DLG2: variants seen among roughly 807,000 people sequenced by gnomAD.
DLG2 encodes discs large MAGUK scaffold protein 2, also known as disks large homolog 2.
A neutral mutation model predicts 132.5 loss-of-function variants in DLG2; 45 were observed. The ratio of observed to expected loss-of-function variants is 0.34; its 90% CI spans 0.27 to 0.44. DLG2 has a LOEUF of 0.44. Among genes scored for constraint, DLG2 ranks in the 20% least tolerant of loss-of-function variants. The probability of loss-of-function intolerance (pLI) is 1.00; values close to 1 mark genes in which losing one functional copy is unlikely to be tolerated. For missense variants in DLG2, 1,045 were observed against 1,196.9 expected (o/e 0.87, Z 1.87); for synonymous variants, 424 against 419.6 (o/e 1.01, Z -0.13).
At chr11:84,215,706 G>C (rs1465592004) in intron 8 of DLG2, among the ~76,000 whole-genome samples, 1 of 152,132 alleles carries the variant, frequency 6.6e-6, no homozygotes, top group Non-Finnish European at 1.5e-5. Context: ...TCCAGCATCA[G>C]CATCAGAAAC....
chr11:84,222,741 TA>T (rs2096933630), intron 8 of DLG2, among the ~76,000 whole-genome samples: 1 of 152,138 alleles, frequency 6.6e-6, no homozygotes, highest in African/African-American at 2.4e-5. Flanking sequence ...CATCAATTTA[TA>T]AAAATTCACT....
intron 11 of DLG2, among the ~76,000 whole-genome samples, chr11:83,982,376 A>G (rs924280110): frequency 6.6e-6 from 1 of 151,932 alleles, no homozygotes; most frequent in African/African-American, 2.4e-5. Context: ...CCAGTTGGAC[A>G]AGATGTGAAG....
chr11:84,440,073 T>C (rs1202059591), intron 7 of DLG2, among the ~76,000 whole-genome samples: 1 of 152,212 alleles, frequency 6.6e-6, no homozygotes, highest in African/African-American at 2.4e-5. Flanking sequence ...GATCAATTTG[T>C]TTACTGGTTT....
rs566332246 is a variant in DLG2, at chr11:85,010,384, A to G, written c.357+101277T>C. Among the ~76,000 whole-genome samples, 122 of 152,178 alleles carry G rather than the reference A, an allele frequency of 8.0e-4. 4 individuals are homozygous for G. The highest frequency in any genetic ancestry group is 2.9e-3 in the African/African-American group (120 of 41,558). Reference sequence around the variant, plus strand: ...ATGTGTCAGCATCCTTACCACCTAAAGACCATAAATAGCACAGTTTGTTCA... The same window carrying G: ...ATGTGTCAGCATCCTTACCACCTAAGGACCATAAATAGCACAGTTTGTTCA... On this transcript the variant is annotated intron_variant, in intron 6 of 27. Transcript: ENST00000376104.
chr11:84,895,834 A>T (rs928573965), intron 6 of DLG2, among the ~76,000 whole-genome samples: 1 of 152,128 alleles, frequency 6.6e-6, no homozygotes, highest in African/African-American at 2.4e-5. Flanking sequence ...GAGAATGGAG[A>T]TTAAGTGACA....
chr11:83,837,577 A>C (rs1231025359), intron 16 of DLG2, among the ~76,000 whole-genome samples: 4 of 152,008 alleles, frequency 2.6e-5, no homozygotes, highest in African/African-American at 7.3e-5. Context: ...CAGTATTATC[A>C]AAAGTTTTCC....
chr11:85,073,821 G>C (rs1208258183), intron 6 of DLG2, among the ~76,000 whole-genome samples: 5 of 151,726 alleles, frequency 3.3e-5, no homozygotes, highest in African/African-American at 9.7e-5. Flanking sequence ...TGCAGCATTA[G>C]TCACAATAGC....
chr11:85,607,638 CA>C, intron 2 of DLG2, among the ~76,000 whole-genome samples: 1 of 152,304 alleles, frequency 6.6e-6, no homozygotes, highest in South Asian at 2.1e-4. Flanking sequence ...GCTCACCAAT[CA>C]AAAAGACATA....
At chr11:84,283,242 C>A (rs1433742905) in intron 7 of DLG2, among the ~76,000 whole-genome samples, 1 of 152,158 alleles carries the variant, frequency 6.6e-6, no homozygotes, top group African/African-American at 2.4e-5. Flanking sequence ...AGGTCTTATT[C>A]GTAATATACA....
At position 84,172,418 on chromosome 11, in the gene DLG2, A is replaced by T. The variant is rs75112648; in HGVS notation, c.574-8907T>A. ...CAGTAAACTCTAATTTCAAGTTAAA[A>T]TTTCTAATCTTAATTACAAAAACTT... On this transcript the variant is annotated intron_variant, in intron 8 of 27. Transcript: ENST00000376104. Among the ~76,000 whole-genome samples, 491 of 152,264 alleles carry T rather than the reference A, an allele frequency of 3.2e-3. 14 individuals are homozygous for T. In the East Asian group the frequency reaches 0.081, roughly 25 times the overall value.
intron 6 of DLG2, among the ~76,000 whole-genome samples, chr11:85,088,277 C>T (rs1318910790): frequency 1.3e-5 from 2 of 152,124 alleles, no homozygotes; most frequent in Non-Finnish European, 2.9e-5. Flanking sequence ...AAAGGTCTTT[C>T]CCAAGAAATG....
chr11:85,348,543 T>C lies in DLG2; in HGVS notation c.41-63178A>G, dbSNP rs555109914. Among the ~76,000 whole-genome samples the C allele has an allele frequency of 3.3e-5, 5 of 152,242 alleles. No individual in the cohort carries two copies. The South Asian group carries it at 1.0e-3, about 32-fold the overall frequency. ...TAACATAAGAAGCATTCTGAATTTA[T>C]GATCAGAAGTTATACCAAGGCATTT... On this transcript the variant is annotated intron_variant, in intron 3 of 27. Coordinates refer to ENST00000376104, the MANE Select transcript of DLG2 (RefSeq NM_001142699.3).
chr11:84,238,659 A>ATC (rs1280130320), intron 8 of DLG2, among the ~76,000 whole-genome samples: 1 of 150,768 alleles, frequency 6.6e-6, no homozygotes, highest in Non-Finnish European at 1.5e-5. Flanking sequence ...TTTTGGAAAT[A>ATC]GAGTTTTTAG....
At chr11:83,535,616 G>C (rs1430806276) in intron 20 of DLG2, among the ~76,000 whole-genome samples, 1 of 151,632 alleles carries the variant, frequency 6.6e-6, no homozygotes, top group African/African-American at 2.4e-5. Flanking sequence ...CCTACCATTT[G>C]CTATAGTTTA....
Position 85,235,266 on chromosome 11 carries a change from C to T in DLG2, c.186+49954G>A, listed in dbSNP as rs569836863. Among the ~76,000 whole-genome samples, 7 of 152,058 alleles carry T rather than the reference C, an allele frequency of 4.6e-5. No homozygotes were observed. In the South Asian group the frequency reaches 1.5e-3, roughly 32 times the overall value. On this transcript the variant is annotated intron_variant, in intron 4 of 27. Transcript: ENST00000376104. ...AACAGTCAGAATTTTAAGTGCTTCTCAAATGTACCTATCAAGTAAAGATAT... is the reference window on the plus strand; with the variant it reads ...AACAGTCAGAATTTTAAGTGCTTCTTAAATGTACCTATCAAGTAAAGATAT...
intron 22 of DLG2, 82 bp downstream of exon 22, chr11:83,484,047 G>A (rs909153382): frequency 4.4e-6 from 5 of 1,129,860 alleles, no homozygotes; most frequent in Non-Finnish European, 6.7e-6. Flanking sequence ...GTGTGGCGTG[G>A]GAGAGCCTAC....
intron 4 of DLG2, among the ~76,000 whole-genome samples, chr11:85,181,313 T>C (rs909708046): frequency 6.6e-6 from 1 of 151,718 alleles, no homozygotes; most frequent in Non-Finnish European, 1.5e-5. Flanking sequence ...CCTCAAGCAT[T>C]TATCCTTTGT....
intron 18 of DLG2, among the ~76,000 whole-genome samples, chr11:83,694,254 T>C (rs2081486899): frequency 6.6e-6 from 1 of 152,090 alleles, no homozygotes; most frequent in South Asian, 2.1e-4. Context: ...TGCTGGAGAA[T>C]CTAGAAAGTC....
At chr11:84,683,788 T>C (rs1206988614) in intron 6 of DLG2, among the ~76,000 whole-genome samples, 2 of 152,166 alleles carry the variant, frequency 1.3e-5, no homozygotes, top group African/African-American at 2.4e-5. Context: ...TGAAACAAAG[T>C]TCCACAATGT....
Sources: allele counts gnomAD v4.1 joint callset (sites outside exome capture counted in the v4.1 genomes callset), GRCh38; gene constraint gnomAD v4.1.1; transcripts MANE v1.5; gene names NCBI Gene and HGNC (gene_info 2026-07-23, HGNC 2026-07-21).